LRFN2: variants seen among roughly 807,000 people sequenced by gnomAD.
LRFN2 encodes leucine rich repeat and fibronectin type III domain containing 2.
In LRFN2, 18 loss-of-function variants were observed where a neutral mutation model predicts 37.3. That is an observed-to-expected ratio of 0.48 (90% CI 0.33 to 0.72). The LOEUF (loss-of-function observed/expected upper bound fraction) is 0.72, where lower values mean the gene tolerates loss of function less well. LRFN2 is among the 30% of genes least tolerant of loss of function. The probability of loss-of-function intolerance (pLI) is 0.02; values close to 1 mark genes in which losing one functional copy is unlikely to be tolerated. For synonymous variants in LRFN2, 556 were observed against 466.6 expected (o/e 1.19, Z -2.47); for missense variants, 1,006 against 1,060.7 (o/e 0.95, Z 0.72).
chr6:40,481,829 G>A (rs1764838786), intron 1 of LRFN2, among the ~76,000 whole-genome samples: 2 of 152,178 alleles, frequency 1.3e-5, no homozygotes, highest in South Asian at 4.1e-4. Context: ...CCACAACCCT[G>A]TCATCCAAAG....
At chr6:40,556,024 T>C (rs1487774784) in intron 1 of LRFN2, among the ~76,000 whole-genome samples, 1 of 152,210 alleles carries the variant, frequency 6.6e-6, no homozygotes, top group Non-Finnish European at 1.5e-5. Context: ...GAGAATGCAC[T>C]CTGTTCCAGG....
chr6:40,573,183 C>T (rs957728964), intron 1 of LRFN2, among the ~76,000 whole-genome samples: 7 of 152,190 alleles, frequency 4.6e-5, no homozygotes, highest in Non-Finnish European at 8.8e-5. Context: ...CTCTCTGAGC[C>T]TCAGTTTTCT....
In LRFN2 at chr6:40,566,729, T is replaced by A. The variant is rs564186008; in HGVS notation, c.-19+20212A>T. On this transcript the variant is annotated intron_variant, in intron 1 of 2. Transcript: ENST00000338305. ...AAGGGGAACATCACACACTGGGGACTGTTGTGGGGTGGGGGGAGAGGGGAG... is the reference window on the plus strand; with the variant it reads ...AAGGGGAACATCACACACTGGGGACAGTTGTGGGGTGGGGGGAGAGGGGAG... 2.7e-5 allele frequency among the ~76,000 whole-genome samples: 4 copies of A among 150,664 alleles called. No homozygotes were observed. In the South Asian group the frequency reaches 6.4e-4, roughly 24 times the overall value.
At position 40,432,318 on chromosome 6, in the gene LRFN2, C is replaced by T. The variant is rs769570835; in HGVS notation, c.796G>A (p.Gly266Ser). The T allele has an allele frequency of 5.0e-6, 8 of 1,614,008 alleles. No homozygotes were observed. In the South Asian group the frequency reaches 7.7e-5, roughly 16 times the overall value. The change falls in exon 2 of 3, where the codon GGC (glycine) becomes AGC (serine). Residue 266 changes from glycine to serine, a missense_variant. This residue lies in a region of LRFN2 where 303 missense variants were observed against 299.8 expected (regional missense o/e 1.01). Coordinates refer to ENST00000338305, the MANE Select transcript of LRFN2 (RefSeq NM_020737.3). ...CGACCCTTGAGGCCCCCTGGGGAGC[C>T]ACAGGTTTCCAGGTCATCGTCCCGC... ...LERDDDLETC[G>S]SPGGLKGRYF... is the part of the protein sequence containing the mutation.
At chr6:40,538,467 C>G (rs1418646889) in intron 1 of LRFN2, among the ~76,000 whole-genome samples, 1 of 152,250 alleles carries the variant, frequency 6.6e-6, no homozygotes, top group East Asian at 1.9e-4. Flanking sequence ...TCCAATTACA[C>G]TGAGAGACTG....
intron 1 of LRFN2, among the ~76,000 whole-genome samples, chr6:40,465,410 G>A (rs747356946): frequency 2.5e-4 from 38 of 152,166 alleles, no homozygotes; most frequent in African/African-American, 7.7e-4. Flanking sequence ...GGAAACATGA[G>A]TCTCAGGTGT....
chr6:40,395,894 G>A (rs1042168571), intron 2 of LRFN2, among the ~76,000 whole-genome samples: 4 of 152,148 alleles, frequency 2.6e-5, no homozygotes, highest in Admixed American at 2.0e-4. Flanking sequence ...CTTGAGAGGT[G>A]GATGGACATC....
intron 2 of LRFN2, among the ~76,000 whole-genome samples, chr6:40,404,246 T>C (rs1286031379): frequency 6.6e-6 from 1 of 152,254 alleles, no homozygotes; most frequent in African/African-American, 2.4e-5. Flanking sequence ...TACTAGAATG[T>C]CAGCTCCCTG....
Position 40,533,130 on chromosome 6 carries a change from CTCTG to C in LRFN2, c.-19+53807_-19+53810del, listed in dbSNP as rs567221181. 9.9e-5 allele frequency among the ~76,000 whole-genome samples: 15 copies of C among 152,056 alleles called. No homozygotes were observed. In the South Asian group the frequency reaches 2.7e-3, roughly 28 times the overall value. ...AGTATTTTATTTTGTTTTGTTTTCT[CTCTG>C]TCTGTCTCTATGTCTCTGCCTCTGT... On this transcript the variant is annotated intron_variant, in intron 1 of 2. Transcript: ENST00000338305.
At chr6:40,483,638 C>T (rs1039152663) in intron 1 of LRFN2, among the ~76,000 whole-genome samples, 1 of 152,116 alleles carries the variant, frequency 6.6e-6, no homozygotes. Flanking sequence ...TCTTGCTGTC[C>T]CCATTTTATC....
chr6:40,490,243 C>A (rs144096541), intron 1 of LRFN2, among the ~76,000 whole-genome samples: 93 of 152,346 alleles, frequency 6.1e-4, no homozygotes, highest in African/African-American at 2.1e-3. Flanking sequence ...AAGAATTAAC[C>A]TTTTCAAAAA....
intron 1 of LRFN2, among the ~76,000 whole-genome samples, chr6:40,561,252 A>G (rs1766988584): frequency 6.6e-6 from 1 of 152,236 alleles, no homozygotes; most frequent in South Asian, 2.1e-4. Context: ...AAGAAAAGAC[A>G]GAGCTGTGTG....
At chr6:40,560,355 T>C (rs1266227665) in intron 1 of LRFN2, among the ~76,000 whole-genome samples, 3 of 152,178 alleles carry the variant, frequency 2.0e-5, no homozygotes, top group East Asian at 3.9e-4. Context: ...GATGCCATCA[T>C]GTGTGAGACA....
rs140949139 is a variant in LRFN2, at chr6:40,549,966, G to A, written c.-19+36975C>T. On this transcript the variant is annotated intron_variant, in intron 1 of 2. Transcript: ENST00000338305. The stretch of plus-strand genomic sequence containing the variant: ...GGAGATTCGCTTGAACCCAGGAGGC[G>A]GAGGTTGCAGTGAGCTGAGATTGTG... Among the ~76,000 whole-genome samples, 426 of 152,216 alleles carry A rather than the reference G, an allele frequency of 2.8e-3. 3 individuals carry two copies. Among genetic ancestry groups the A allele is most frequent in the African/African-American group, 8.0e-3 (333 of 41,552 alleles).
At chr6:40,560,188 T>C (rs181572487) in intron 1 of LRFN2, among the ~76,000 whole-genome samples, 10 of 152,268 alleles carry the variant, frequency 6.6e-5, no homozygotes, top group South Asian at 4.2e-4. Context: ...CTGAAGGGAA[T>C]CTAGTCCAGG....
intron 1 of LRFN2, among the ~76,000 whole-genome samples, chr6:40,485,215 A>G (rs1327945432): frequency 1.3e-5 from 2 of 152,236 alleles, no homozygotes; most frequent in South Asian, 2.1e-4. Flanking sequence ...ACAAGATGAC[A>G]TCTCAAAGTA....
intron 2 of LRFN2, among the ~76,000 whole-genome samples, chr6:40,415,771 G>A (rs1763080705): frequency 6.6e-6 from 1 of 152,208 alleles, no homozygotes; most frequent in Non-Finnish European, 1.5e-5. Context: ...GCCCAGACTT[G>A]AGTTGTAAAC....
intron 2 of LRFN2, among the ~76,000 whole-genome samples, chr6:40,423,736 G>A (rs888405086): frequency 6.6e-6 from 1 of 152,180 alleles, no homozygotes; most frequent in Admixed American, 6.5e-5. Context: ...ATTGGATGGG[G>A]ATTCTGAGAA....
At chr6:40,464,732 A>G (rs1466677952) in intron 1 of LRFN2, among the ~76,000 whole-genome samples, 2 of 152,120 alleles carry the variant, frequency 1.3e-5, no homozygotes, top group Non-Finnish European at 2.9e-5. Flanking sequence ...CACAAGAGTC[A>G]GTGGGCTATG....
Sources: allele counts gnomAD v4.1 joint callset (sites outside exome capture counted in the v4.1 genomes callset), GRCh38; gene constraint gnomAD v4.1.1; regional missense constraint gnomAD v4.1.1; transcripts MANE v1.5; gene names NCBI Gene and HGNC (gene_info 2026-07-23, HGNC 2026-07-21).